The following RAB3GAP2 variants were observed in gnomAD, a reference collection of about 807,000 sequenced individuals.
The protein encoded by RAB3GAP2 is rab3 GTPase-activating protein non-catalytic subunit.
RAB3GAP2 carries 87 observed loss-of-function variants against 185.3 expected under a neutral mutation model. That is an observed-to-expected ratio of 0.47 (90% CI 0.39 to 0.56). The LOEUF is 0.56. RAB3GAP2 is among the 20% of genes least tolerant of loss of function. The pLI is 0.00. For synonymous variants in RAB3GAP2, 554 were observed against 576.1 expected (o/e 0.96, Z 0.55); for missense variants, 1,492 against 1,638.2 (o/e 0.91, Z 1.54).
intron 14 of RAB3GAP2, 74 bp from the exon 15 acceptor site, chr1:220,190,594 C>T: frequency 7.0e-7 from 1 of 1,433,932 alleles, no homozygotes; most frequent in South Asian, 1.2e-5. Flanking sequence ...TTTATTATAG[C>T]TAGGAAACCC....
rs76585655 is a variant in RAB3GAP2 at position 220,150,900 on chromosome 1, G to T, written c.*351C>A. 2 of 262,950 alleles carry T rather than the reference G, an allele frequency of 7.6e-6. No homozygotes were observed. Among genetic ancestry groups the T allele is most frequent in the East Asian group, 2.1e-4 (2 of 9,470 alleles). The allele number at this position is 262,950 out of a possible 1,614,324, so 16.3% of individuals were successfully genotyped here. A position where few individuals can be genotyped will look rare whatever the true frequency, so the allele number is the denominator to read the frequency against. On this transcript the variant is annotated 3_prime_UTR_variant, in exon 35 of 35. Transcript: ENST00000358951. Reference sequence around the variant, plus strand: ...TAAATTGAATTACAACAACATTTTAGATAGGAAATATAGAATCTTATAAGA... The same window carrying T: ...TAAATTGAATTACAACAACATTTTATATAGGAAATATAGAATCTTATAAGA...
At chr1:220,187,056 C>T (rs550207659) in intron 17 of RAB3GAP2, among the ~76,000 whole-genome samples, 2 of 152,140 alleles carry the variant, frequency 1.3e-5, no homozygotes, top group Non-Finnish European at 2.9e-5. Flanking sequence ...TACAATAACT[C>T]AATAAAGTGT....
chr1:220,155,590 C>G (rs1468789517), intron 31 of RAB3GAP2, among the ~76,000 whole-genome samples: 3 of 152,108 alleles, frequency 2.0e-5, no homozygotes, highest in South Asian at 2.1e-4. Flanking sequence ...TACAAGGAAC[C>G]CTTACAACAA....
chr1:220,268,464 C>CA (rs1660271452), intron 1 of RAB3GAP2, among the ~76,000 whole-genome samples: 1 of 152,202 alleles, frequency 6.6e-6, no homozygotes, highest in Admixed American at 6.5e-5. Context: ...CCCACCATCA[C>CA]AAAAGAGTAT....
intron 2 of RAB3GAP2, among the ~76,000 whole-genome samples, chr1:220,217,824 T>C (rs1467810876): frequency 2.0e-5 from 3 of 152,194 alleles, no homozygotes; most frequent in Admixed American, 6.5e-5. Context: ...GCTGACATAT[T>C]CATGGTAAGT....
chr1:220,254,205 T>C, intron 1 of RAB3GAP2: 1 of 1,613,476 alleles, frequency 6.2e-7, no homozygotes, highest in Non-Finnish European at 8.5e-7. Context: ...ATAAGGAGTA[T>C]GCGGTTAATG....
rs985521304 is a variant in RAB3GAP2, at chr1:220,163,762, T to C, written c.3154+971A>G. 4.4e-4 allele frequency among the ~76,000 whole-genome samples: 64 copies of C among 145,906 alleles called. 1 individual carries two copies. Among genetic ancestry groups the C allele is most frequent in the South Asian group, 2.4e-3 (11 of 4,676 alleles). On this transcript the variant is annotated intron_variant, in intron 27 of 34. Transcript: ENST00000358951. ...ATACATACATATATATATATATATA[T>C]ATATATATATAGGATGAAGGTAAGA...
At chr1:220,208,806 T>C (rs1486216686) in intron 7 of RAB3GAP2, among the ~76,000 whole-genome samples, 1 of 152,052 alleles carries the variant, frequency 6.6e-6, no homozygotes, top group Non-Finnish European at 1.5e-5. Context: ...AACCTCCGCC[T>C]CCTGGGTTCA....
intron 1 of RAB3GAP2, among the ~76,000 whole-genome samples, chr1:220,258,225 C>T (rs1388845265): frequency 6.6e-6 from 1 of 151,938 alleles, no homozygotes; most frequent in Admixed American, 6.6e-5. Context: ...GGGACTCCTC[C>T]CTCATTCTAT....
At chr1:220,217,239 T>C (rs1458899493) in intron 2 of RAB3GAP2, among the ~76,000 whole-genome samples, 1 of 152,160 alleles carries the variant, frequency 6.6e-6, no homozygotes, top group Non-Finnish European at 1.5e-5. Flanking sequence ...GATTTGACTC[T>C]AATCTCATAT....
In RAB3GAP2 at chr1:220,190,060, C is replaced by T. The variant is rs778779881; in HGVS notation, c.1714+4G>A. ...CTTTATTATTTGTATGAGAGAATAC[C>T]TACCAAGATTGGGAGATTTTGTTTT... On this transcript the variant is annotated splice_donor_region_variant and intron_variant, in intron 16 of 34. Coordinates refer to ENST00000358951, the MANE Select transcript of RAB3GAP2 (RefSeq NM_012414.4). 2.4e-5 allele frequency: 38 copies of T among 1,595,314 alleles called. No homozygotes were observed. The highest frequency in any genetic ancestry group is 3.3e-5 in the Admixed American group (2 of 59,960).
At chr1:220,242,654 C>T (rs1308470474) in intron 1 of RAB3GAP2, among the ~76,000 whole-genome samples, 1 of 152,176 alleles carries the variant, frequency 6.6e-6, no homozygotes, top group African/African-American at 2.4e-5. Context: ...ATAAGCACTT[C>T]CTTGTAACAT....
intron 20 of RAB3GAP2, among the ~76,000 whole-genome samples, 167 bp from the exon 21 acceptor site, chr1:220,182,521 C>G (rs1230201864): frequency 6.6e-6 from 1 of 152,128 alleles, no homozygotes; most frequent in African/African-American, 2.4e-5. Context: ...AATCATGATC[C>G]AATATTGTCT....
intron 17 of RAB3GAP2, 151 bp downstream of exon 17, chr1:220,189,552 C>A: frequency 1.6e-6 from 1 of 626,184 alleles, no homozygotes; most frequent in Non-Finnish European, 2.4e-6. Context: ...ACAGGAACTT[C>A]TATCTGAAAA....
At chr1:220,266,596 G>T (rs1430016273) in intron 1 of RAB3GAP2, 5 of 966,572 alleles carry the variant, frequency 5.2e-6, no homozygotes, top group Non-Finnish European at 8.2e-6. Context: ...ATTTCTTTTA[G>T]TGTTCTAGAT....
chr1:220,151,449 CAAT>C (rs1336342991), intron 34 of RAB3GAP2, 43 bp from the exon 35 acceptor site: 3 of 1,610,742 alleles, frequency 1.9e-6, no homozygotes, highest in Non-Finnish European at 2.5e-6. Flanking sequence ...GACAACTAAA[CAAT>C]AATTGTTATT....
intron 1 of RAB3GAP2, among the ~76,000 whole-genome samples, chr1:220,269,352 T>C (rs939638840): frequency 1.3e-5 from 2 of 151,716 alleles, no homozygotes; most frequent in Admixed American, 6.6e-5. Context: ...GGAAGCAGAG[T>C]CTCAAGGGCC....
intron 31 of RAB3GAP2, 68 bp downstream of exon 31, chr1:220,157,202 T>C: frequency 1.5e-6 from 2 of 1,345,300 alleles, no homozygotes; most frequent in Non-Finnish European, 2.1e-6. Context: ...TTCTATTAAA[T>C]ATGAAAATCC....
intron 3 of RAB3GAP2, 41 bp downstream of exon 3, chr1:220,213,815 T>C (rs755319668): frequency 1.3e-6 from 2 of 1,581,580 alleles, no homozygotes; most frequent in South Asian, 1.1e-5. Flanking sequence ...TTCTATCCAA[T>C]GTATCAAAAT....
Sources: allele counts gnomAD v4.1 joint callset (sites outside exome capture counted in the v4.1 genomes callset), GRCh38; gene constraint gnomAD v4.1.1; transcripts MANE v1.5; gene names NCBI Gene and HGNC (gene_info 2026-07-23, HGNC 2026-07-21).